The following PCDHA1 variants were observed in gnomAD, a reference collection of about 807,000 sequenced individuals.
PCDHA1 encodes protocadherin alpha 1, also known as protocadherin alpha-1.
In PCDHA1, 42 loss-of-function variants were observed where a neutral mutation model predicts 61.3. The ratio of observed to expected loss-of-function variants is 0.69; its 90% CI spans 0.54 to 0.89. The LOEUF (loss-of-function observed/expected upper bound fraction) is 0.89. Ranked by LOEUF, PCDHA1 falls within the 40% of genes least tolerant of loss-of-function variation. The pLI, the probability that PCDHA1 is intolerant of heterozygous loss-of-function variation, is 0.00. For synonymous variants in PCDHA1, 610 were observed against 553.8 expected, an observed-to-expected ratio of 1.10 and a Z score of -1.43; for missense variants, 1,256 against 1,235.3, an observed-to-expected ratio of 1.02 and a Z score of -0.25.
At chr5:140,826,307 G>T (rs1326505892) in intron 1 of PCDHA1, among the ~76,000 whole-genome samples, 5 of 151,882 alleles carry the variant, frequency 3.3e-5, no homozygotes. Context: ...GGAACCTCTT[G>T]TTTTGGGGAT....
chr5:140,831,212 T>C (rs1173379795), intron 1 of PCDHA1: 1 of 152,260 alleles, frequency 6.6e-6, no homozygotes, highest in Non-Finnish European at 1.5e-5. Context: ...AGTAAATTTA[T>C]ATGAAAACTG....
intron 1 of PCDHA1, chr5:140,796,323 G>T (rs1554119843): frequency 6.2e-7 from 1 of 1,614,066 alleles, no homozygotes; most frequent in East Asian, 2.2e-5. Flanking sequence ...ACAACGCGCC[G>T]GCGTTCGCAC....
chr5:140,807,843 A>C, intron 1 of PCDHA1: 1 of 1,614,202 alleles, frequency 6.2e-7, no homozygotes, highest in Non-Finnish European at 8.5e-7. Flanking sequence ...GATGGAGGCA[A>C]ACCCGAGTTG....
At chr5:140,877,652 C>T (rs1456022709) in intron 1 of PCDHA1, 1 of 1,613,400 alleles carries the variant, frequency 6.2e-7, no homozygotes, top group Non-Finnish European at 8.5e-7. Context: ...TCAGCGCCGC[C>T]CACCGTGAGC....
At chr5:140,997,993 C>T (rs1356544638) in intron 3 of PCDHA1, among the ~76,000 whole-genome samples, 1 of 152,082 alleles carries the variant, frequency 6.6e-6, no homozygotes, top group Non-Finnish European at 1.5e-5. Flanking sequence ...TACATACTTC[C>T]CTCTGAGCCT....
intron 1 of PCDHA1, among the ~76,000 whole-genome samples, chr5:140,961,765 T>C (rs2095634679): frequency 6.6e-6 from 1 of 152,244 alleles, no homozygotes; most frequent in African/African-American, 2.4e-5. Flanking sequence ...AAGGAATTTA[T>C]ATCAAGCTTA....
chr5:141,003,291 G>C (rs1402781511), intron 3 of PCDHA1, among the ~76,000 whole-genome samples: 1 of 152,158 alleles, frequency 6.6e-6, no homozygotes, highest in Non-Finnish European at 1.5e-5. Flanking sequence ...TGGATTATAG[G>C]ATTACATGAA....
intron 1 of PCDHA1, chr5:140,869,239 G>A: frequency 6.2e-7 from 1 of 1,613,652 alleles, no homozygotes; most frequent in Non-Finnish European, 8.5e-7. Context: ...CACCTTCGTG[G>A]GCCGCATCGC....
Position 140,964,245 on chromosome 5 carries a change from T to C in PCDHA1, c.2395-14704T>C, listed in dbSNP as rs549634734. On this transcript the variant is annotated intron_variant, in intron 1 of 3. Transcript: ENST00000504120. ...TCAAAATGAGGCTGATTGTGTTGGC[T>C]TTATATTTGACTCCTTAATAATTAA... is the stretch of plus-strand genomic sequence containing the variant. Among the ~76,000 whole-genome samples, 6 of 152,346 alleles carry C rather than the reference T, an allele frequency of 3.9e-5. No individual in the cohort carries two copies. In the East Asian group the frequency reaches 1.2e-3, roughly 29 times the overall value.
rs1761412432 is a variant in PCDHA1, at chr5:140,787,914, G to A, written c.1624G>A (p.Val542Met). ...QFQVSARDAG[V>M]PPLGSNVTLQ... ...CCAGGTGAGCGCGCGGGATGCGGGC[G>A]TGCCGCCTCTGGGCAGCAACGTGAC... Residue 542 changes from valine (V) to methionine (M), a missense_variant, in exon 1 of 4, where the codon GTG becomes ATG. Val to Met is a conservative substitution (Grantham distance 21). Transcript: ENST00000504120. 6.2e-7 allele frequency: 1 copy of A among 1,613,680 alleles called. No individual in the cohort carries two copies. The highest frequency in any genetic ancestry group is 8.5e-7 in the Non-Finnish European group (1 of 1,179,902).
chr5:140,915,992 G>A (rs1437857401), intron 1 of PCDHA1, among the ~76,000 whole-genome samples: 2 of 152,134 alleles, frequency 1.3e-5, no homozygotes, highest in African/African-American at 4.8e-5. Context: ...GGCTAAGCTG[G>A]CACTCAAACC....
chr5:140,907,439 A>T (rs1217956706), intron 1 of PCDHA1, among the ~76,000 whole-genome samples: 1 of 152,250 alleles, frequency 6.6e-6, no homozygotes, highest in Non-Finnish European at 1.5e-5. Flanking sequence ...CTGTGAGTCC[A>T]CAGATGGTAA....
At chr5:140,796,372 C>G in intron 1 of PCDHA1, 1 of 1,614,036 alleles carries the variant, frequency 6.2e-7, no homozygotes, top group Non-Finnish European at 8.5e-7. Context: ...GAACAACCCG[C>G]CGGGCTGCCA....
intron 1 of PCDHA1, chr5:140,877,674 G>A: frequency 1.9e-6 from 3 of 1,613,628 alleles, no homozygotes; most frequent in South Asian, 1.1e-5. Flanking sequence ...GGTGCGCGCC[G>A]GGCAAGCCCA....
chr5:140,805,110 A>G (rs782802687), intron 1 of PCDHA1: 118 of 1,590,126 alleles, frequency 7.4e-5, no homozygotes, highest in Non-Finnish European at 9.9e-5. Context: ...ACTATTGTCT[A>G]ACAAGACTCT....
At chr5:140,950,127 GAC>G (rs1554219301) in intron 1 of PCDHA1, among the ~76,000 whole-genome samples, 2 of 151,794 alleles carry the variant, frequency 1.3e-5, no homozygotes, top group Non-Finnish European at 2.9e-5. Context: ...AAACCCACAA[GAC>G]ACAGTTATAA....
chr5:140,923,039 A>G (rs998399771), intron 1 of PCDHA1, among the ~76,000 whole-genome samples: 2 of 152,236 alleles, frequency 1.3e-5, no homozygotes, highest in Non-Finnish European at 2.9e-5. Context: ...TACTACATGT[A>G]TAGTATTTAG....
intron 3 of PCDHA1, among the ~76,000 whole-genome samples, chr5:140,986,896 A>G (rs1221599593): frequency 2.6e-5 from 4 of 152,184 alleles, no homozygotes; most frequent in African/African-American, 4.8e-5. Context: ...CTTAGGCCCT[A>G]TCCTAGACTA....
intron 1 of PCDHA1, chr5:140,804,407 T>A (rs1554123071): frequency 6.6e-6 from 1 of 152,034 alleles, no homozygotes; most frequent in African/African-American, 2.4e-5. Flanking sequence ...AGTTGTATAG[T>A]ATATTTATAT....
Sources: allele counts gnomAD v4.1 joint callset (sites outside exome capture counted in the v4.1 genomes callset), GRCh38; gene constraint gnomAD v4.1.1; transcripts MANE v1.5; gene names NCBI Gene and HGNC (gene_info 2026-07-23, HGNC 2026-07-21).